RBM28: variants seen among roughly 807,000 people sequenced by gnomAD.
RBM28 encodes RNA-binding protein 28.
Under a neutral mutation model 98.3 loss-of-function variants are expected in RBM28, and 78 were observed. The observed-to-expected ratio is 0.79, with a 90% CI of 0.66 to 0.96. RBM28 has a LOEUF of 0.96. RBM28 is among the 40% of genes least tolerant of loss of function. The pLI is 0.00. For missense variants in RBM28, 838 were observed against 913.0 expected, an observed-to-expected ratio of 0.92 and a Z score of 1.06; for synonymous variants, 306 against 330.9, an observed-to-expected ratio of 0.92 and a Z score of 0.82.
chr7:128,322,358 C>T (rs1022946215), intron 13 of RBM28, among the ~76,000 whole-genome samples: 21 of 152,170 alleles, frequency 1.4e-4, no homozygotes, highest in African/African-American at 5.1e-4. Flanking sequence ...TGAAAGATGA[C>T]ATTCTTCTCC....
In RBM28 at chr7:128,318,029, G is replaced by A. The variant is rs989011649; in HGVS notation, c.1641C>T (p.Phe547=). Reference sequence around the variant, plus strand: ...CTTTCAGGGCATGCTCGTGCTCTTGGAACTCCGCAAAGGCGTAGCCCAGGG... The same window carrying A: ...CTTTCAGGGCATGCTCGTGCTCTTGAAACTCCGCAAAGGCGTAGCCCAGGG... ...GQSLGYAFAE[F]QEHEHALKAL... is the part of the protein sequence containing the mutation. Residue 547 remains phenylalanine, a synonymous_variant, in exon 15 of 19, where the codon TTC becomes TTT. Coordinates refer to ENST00000223073, the MANE Select transcript of RBM28 (RefSeq NM_018077.3). 1 of 1,614,030 alleles carries A rather than the reference G, an allele frequency of 6.2e-7. No individual in the cohort carries two copies. Among genetic ancestry groups the A allele is most frequent in the Non-Finnish European group, 8.5e-7 (1 of 1,179,878 alleles).
intron 1 of RBM28, 33 bp from the exon 2 acceptor site, chr7:128,339,824 G>C (rs770766252): frequency 6.2e-7 from 1 of 1,605,672 alleles, no homozygotes; most frequent in African/African-American, 1.3e-5. Flanking sequence ...GAGTGGAGGG[G>C]CAGTGTGAAA....
chr7:128,320,424 G>GAAA, intron 14 of RBM28, among the ~76,000 whole-genome samples: 1 of 150,084 alleles, frequency 6.7e-6, no homozygotes, highest in Non-Finnish European at 1.5e-5. Context: ...AAAAAAGAAA[G>GAAA]GAAGAAAAGA....
rs1192393654 is a variant in RBM28 at position 128,300,184 on chromosome 7, C to G, written c.*10613G>C. ...CTTTGGCACATTTCACCCCTCCTCTCTTTGTGATTGGTTTTCACAAAGAAG... is the reference window on the plus strand; with the variant it reads ...CTTTGGCACATTTCACCCCTCCTCTGTTTGTGATTGGTTTTCACAAAGAAG... On this transcript the variant is annotated 3_prime_UTR_variant, in exon 19 of 19. Transcript: ENST00000223073. 6.6e-6 allele frequency: 1 copy of G among 152,248 alleles called. No individual in the cohort carries two copies. Among genetic ancestry groups the G allele is most frequent in the Non-Finnish European group, 1.5e-5 (1 of 68,064 alleles). The allele number at this position is 152,248 out of a possible 1,614,324, so 9.4% of individuals were successfully genotyped here. A position where few individuals can be genotyped will look rare whatever the true frequency, so the allele number is the denominator to read the frequency against.
In RBM28 at chr7:128,303,873, C is replaced by T. The variant is rs1271254064; in HGVS notation, c.*6924G>A. ...CGTATCAGAAGCTACCCATGAAAGG[C>T]CAAGGGCCTACAGCAAAGCTCCCAT... On this transcript the variant is annotated 3_prime_UTR_variant, in exon 19 of 19. Transcript: ENST00000223073. 1 of 152,126 alleles carries T rather than the reference C, an allele frequency of 6.6e-6. No homozygotes were observed. The highest frequency in any genetic ancestry group is 1.9e-4 in the East Asian group (1 of 5,190). 9.4% of individuals were successfully genotyped at this position (152,126 alleles called of 1,614,324 possible).
chr7:128,318,893 G>T (rs1373219140), intron 14 of RBM28, among the ~76,000 whole-genome samples: 1 of 152,162 alleles, frequency 6.6e-6, no homozygotes, highest in Non-Finnish European at 1.5e-5. Context: ...AAGGCCTGAT[G>T]GCTTTAGATA....
rs771350861 is a variant in RBM28 at position 128,321,421 on chromosome 7, C to G, written c.1408G>C (p.Glu470Gln). Residue 470 changes from glutamate (E) to glutamine (Q), a missense_variant, in exon 14 of 19, where the codon GAG (glutamate) becomes CAG (glutamine). By Grantham distance (29) the Glu-to-Gln change is conservative. Transcript: ENST00000223073. ...AADMAKRERF[E>Q]LLKHQKLKDQ... Reference sequence around the variant, plus strand: ...TTGAGTTTCTGATGCTTCAGCAGCTCAAACTGAAAGAACAACCAATGGTTA... The same window carrying G: ...TTGAGTTTCTGATGCTTCAGCAGCTGAAACTGAAAGAACAACCAATGGTTA... 6.2e-7 allele frequency: 1 copy of G among 1,614,028 alleles called. No homozygotes were observed. Among genetic ancestry groups the G allele is most frequent in the Admixed American group, 1.7e-5 (1 of 60,004 alleles).
chr7:128,332,064 T>G (rs1352232610), intron 9 of RBM28, among the ~76,000 whole-genome samples: 1 of 152,208 alleles, frequency 6.6e-6, no homozygotes, highest in Non-Finnish European at 1.5e-5. Flanking sequence ...GTCACAGGCT[T>G]CTTCTTCACT....
rs1326103297 is a variant in RBM28, at chr7:128,300,018, C to T, written c.*10779G>A. ...ACTTTGATTTTAGACTTCTAGCCTC[C>T]AGAACCGTAAGGTGATAAATTTCTG... On this transcript the variant is annotated 3_prime_UTR_variant, in exon 19 of 19. Coordinates refer to ENST00000223073, the MANE Select transcript of RBM28 (RefSeq NM_018077.3). The T allele has an allele frequency of 6.6e-6, 1 of 152,246 alleles. No individual in the cohort carries two copies. The highest frequency in any genetic ancestry group is 1.5e-5 in the Non-Finnish European group (1 of 68,050). 9.4% of individuals were successfully genotyped at this position (152,246 alleles called of 1,614,324 possible).
At chr7:128,333,509 G>A (rs535173577) in intron 8 of RBM28, 147 bp from the exon 9 acceptor site, 10 of 667,430 alleles carry the variant, frequency 1.5e-5, no homozygotes, top group Non-Finnish European at 2.4e-5. Flanking sequence ...CCTGAGGTCA[G>A]GAGTTCGAGA....
rs1436432240 is a variant in RBM28 at position 128,297,880 on chromosome 7, C to T, written c.*12917G>A. Reference sequence around the variant, plus strand: ...AAAATCATCATTCTCAGTAAACTATCGCAAGAACAAAAAACCAAACACCGC... The same window carrying T: ...AAAATCATCATTCTCAGTAAACTATTGCAAGAACAAAAAACCAAACACCGC... On this transcript the variant is annotated 3_prime_UTR_variant, in exon 19 of 19. Transcript: ENST00000223073. 3 of 149,942 alleles carry T rather than the reference C, an allele frequency of 2.0e-5. No homozygotes were observed. The highest frequency in any genetic ancestry group is 2.5e-5 in the African/African-American group (1 of 40,740). The allele number at this position is 149,942 out of a possible 1,614,324, so 9.3% of individuals were successfully genotyped here.
intron 12 of RBM28, among the ~76,000 whole-genome samples, chr7:128,324,341 C>T (rs925967955): frequency 2.0e-5 from 3 of 152,138 alleles, no homozygotes; most frequent in African/African-American, 7.2e-5. Flanking sequence ...CTAAAGGCAA[C>T]CAGGCAGAAA....
chr7:128,321,265 C>T lies in RBM28; in HGVS notation c.1563+1G>A, dbSNP rs768688164. On this transcript the variant is annotated splice_donor_variant, in intron 14 of 18. Coordinates refer to ENST00000223073, the MANE Select transcript of RBM28 (RefSeq NM_018077.3). LOFTEE classifies it high-confidence loss of function. ...CCAAAATGGTCAGGGCCACGTCTCA[C>T]CTCCTTGATGCGCACCCCTTTCTCT... 1.2e-6 allele frequency: 2 copies of T among 1,614,150 alleles called. No individual in the cohort carries two copies.
chr7:128,316,203 A>G (rs1012959657), intron 16 of RBM28, among the ~76,000 whole-genome samples: 2 of 152,222 alleles, frequency 1.3e-5, no homozygotes, highest in African/African-American at 4.8e-5. Context: ...TAAGAGATGC[A>G]TTCACAAATA....
At chr7:128,336,696 G>A (rs1053948221) in intron 6 of RBM28, among the ~76,000 whole-genome samples, 2 of 152,192 alleles carry the variant, frequency 1.3e-5, no homozygotes, top group African/African-American at 4.8e-5. Context: ...TTCCCTGAAA[G>A]CCCAGTCTCA....
Position 128,306,373 on chromosome 7 carries a change from T to C in RBM28, c.*4424A>G, listed in dbSNP as rs987604398. 7 of 152,214 alleles carry C rather than the reference T, an allele frequency of 4.6e-5. No individual in the cohort carries two copies. The highest frequency in any genetic ancestry group is 8.8e-5 in the Non-Finnish European group (6 of 68,080). 9.4% of individuals were successfully genotyped at this position (152,214 alleles called of 1,614,324 possible). On this transcript the variant is annotated 3_prime_UTR_variant, in exon 19 of 19. Coordinates refer to ENST00000223073, the MANE Select transcript of RBM28 (RefSeq NM_018077.3). ...TATTATTATTTTTTCCTTCATGCTGTCTTTTGGGGTCCTTAGGAAATGACT... is the reference window on the plus strand; with the variant it reads ...TATTATTATTTTTTCCTTCATGCTGCCTTTTGGGGTCCTTAGGAAATGACT...
rs1339029825 is a variant in RBM28 at position 128,333,348 on chromosome 7, T to C, written c.961A>G (p.Asn321Asp). ...EQEDKAVQVS[N>D]KKKRKLPSDV... ...GAGGGTAATTTCCTCTTCTTTTTGT[T>C]TGAGACTTGCACAGCTAAGGTAAAA... Residue 321 changes from asparagine (N) to aspartate (D), a missense_variant, in exon 9 of 19, where the codon AAC (asparagine) becomes GAC (aspartate). By Grantham distance (23) the Asn-to-Asp change is conservative. Transcript: ENST00000223073. 6.2e-7 allele frequency: 1 copy of C among 1,601,532 alleles called. No individual in the cohort carries two copies. The highest frequency in any genetic ancestry group is 1.7e-5 in the Admixed American group (1 of 59,998).
intron 1 of RBM28, chr7:128,341,358 G>A: frequency 3.1e-6 from 1 of 321,474 alleles, no homozygotes; most frequent in Non-Finnish European, 6.1e-6. Context: ...TAAAGCAGCT[G>A]AAATGTAAAA....
In RBM28 at chr7:128,339,624, G is replaced by C. The variant is rs1370599411; in HGVS notation, c.277+9C>G. On this transcript the variant is annotated intron_variant, in intron 2 of 18. Coordinates refer to ENST00000223073, the MANE Select transcript of RBM28 (RefSeq NM_018077.3). ...GGAGAAAAACTTCCTTCAATTACTAGAAACTCACCATTTTTCCCCTTTTCC... is the reference window on the plus strand; with the variant it reads ...GGAGAAAAACTTCCTTCAATTACTACAAACTCACCATTTTTCCCCTTTTCC... 2 of 1,613,386 alleles carry C rather than the reference G, an allele frequency of 1.2e-6. No homozygotes were observed. Among genetic ancestry groups the C allele is most frequent in the African/African-American group, 1.3e-5 (1 of 74,888 alleles).
Sources: allele counts gnomAD v4.1 joint callset (sites outside exome capture counted in the v4.1 genomes callset), GRCh38; gene constraint gnomAD v4.1.1; transcripts MANE v1.5; gene names NCBI Gene and HGNC (gene_info 2026-07-23, HGNC 2026-07-21).